The following CHRM2 variants were observed in gnomAD, a reference collection of about 807,000 sequenced individuals.
CHRM2 encodes cholinergic receptor muscarinic 2.
CHRM2 carries 8 observed loss-of-function variants against 25.0 expected under a neutral mutation model. That is an observed-to-expected ratio of 0.32 (90% CI 0.19 to 0.58). The LOEUF (loss-of-function observed/expected upper bound fraction) is 0.58, where lower values mean the gene tolerates loss of function less well. CHRM2 is among the 20% of genes least tolerant of loss of function. The pLI is 0.88. For missense variants in CHRM2, 440 were observed against 567.1 expected, an observed-to-expected ratio of 0.78 and a Z score of 2.28; for synonymous variants, 202 against 205.7, an observed-to-expected ratio of 0.98 and a Z score of 0.15.
At chr7:136,882,916 A>G (rs1355155422) in intron 2 of CHRM2, among the ~76,000 whole-genome samples, 1 of 152,128 alleles carries the variant, frequency 6.6e-6, no homozygotes, top group East Asian at 1.9e-4. Context: ...TATTTTTTCC[A>G]TATTAGGGAT....
At chr7:136,984,558 A>G (rs2130989841) in intron 2 of CHRM2, among the ~76,000 whole-genome samples, 1 of 152,174 alleles carries the variant, frequency 6.6e-6, no homozygotes, top group East Asian at 1.9e-4. Flanking sequence ...CTTGAAACCC[A>G]GAGCCCTTGT....
chr7:136,896,765 T>C (rs971039695), intron 2 of CHRM2, among the ~76,000 whole-genome samples: 2 of 152,002 alleles, frequency 1.3e-5, no homozygotes, highest in East Asian at 1.9e-4. Context: ...TAGAGAAAGA[T>C]AGGGGAAGGG....
intron 2 of CHRM2, among the ~76,000 whole-genome samples, chr7:136,892,500 G>A (rs1796730161): frequency 6.6e-6 from 1 of 152,022 alleles, no homozygotes; most frequent in Non-Finnish European, 1.5e-5. Context: ...GAATGATGTT[G>A]AGTCTAAGTC....
intron 2 of CHRM2, among the ~76,000 whole-genome samples, chr7:136,956,209 C>T (rs1800714709): frequency 6.6e-6 from 1 of 152,138 alleles, no homozygotes; most frequent in South Asian, 2.1e-4. Context: ...GGAGTTATTT[C>T]AGGACTTTGG....
intron 2 of CHRM2, among the ~76,000 whole-genome samples, chr7:136,980,270 C>A (rs2130969568): frequency 6.6e-6 from 1 of 152,082 alleles, no homozygotes; most frequent in Admixed American, 6.6e-5. Flanking sequence ...GTATAGGAAT[C>A]TTGTGATTTT....
chr7:136,869,458 C>G lies in CHRM2; in HGVS notation c.-125+40C>G, dbSNP rs1653646319. 6.6e-6 allele frequency: 1 copy of G among 152,232 alleles called. No individual in the cohort carries two copies. The highest frequency in any genetic ancestry group is 1.5e-5 in the Non-Finnish European group (1 of 68,142). 9.4% of individuals were successfully genotyped at this position (152,232 alleles called of 1,614,324 possible). A position where few individuals can be genotyped will look rare whatever the true frequency, so the allele number is the denominator to read the frequency against. Reference sequence around the variant, plus strand: ...CTGTGCAGCTCTCCGCTTACCCACTCCAAGGGCCCTGGCACCAGGGGGTCT... The same window carrying G: ...CTGTGCAGCTCTCCGCTTACCCACTGCAAGGGCCCTGGCACCAGGGGGTCT... On this transcript the variant is annotated intron_variant, in intron 2 of 3. Coordinates refer to ENST00000680005, the MANE Select transcript of CHRM2 (RefSeq NM_001006630.2). The surrounding 1 kb of genome is among the most constrained non-coding windows in gnomAD (Gnocchi z 4.9).
rs1173844832 is a variant in CHRM2 at position 136,945,257 on chromosome 7, G to A, written c.-124-46930G>A. On this transcript the variant is annotated intron_variant, in intron 2 of 3. Transcript: ENST00000680005. ...AATTAAGTCCAATCTATATATCTTT[G>A]TTTTTGTTGCATTTGCTTTTGGGTT... Among the ~76,000 whole-genome samples, 24 of 151,980 alleles carry A rather than the reference G, an allele frequency of 1.6e-4. 1 individual carries two copies. Among genetic ancestry groups the A allele is most frequent in the Admixed American group, 1.6e-3 (24 of 15,250 alleles).
chr7:136,883,317 G>C (rs1796338619), intron 2 of CHRM2, among the ~76,000 whole-genome samples: 1 of 152,122 alleles, frequency 6.6e-6, no homozygotes, highest in Admixed American at 6.6e-5. Context: ...CAAAGTAGTG[G>C]ATAAGTATAT....
chr7:136,872,647 C>G (rs1176687078), intron 2 of CHRM2, among the ~76,000 whole-genome samples: 1 of 152,050 alleles, frequency 6.6e-6, no homozygotes, highest in African/African-American at 2.4e-5. Flanking sequence ...AGGGAAGGCA[C>G]AAAAAGCATG....
intron 2 of CHRM2, among the ~76,000 whole-genome samples, chr7:136,945,052 T>A (rs186479692): frequency 6.6e-6 from 1 of 152,202 alleles, no homozygotes; most frequent in East Asian, 1.9e-4. Flanking sequence ...TATCTTGTCC[T>A]TAGCCCACTT....
intron 3 of CHRM2, among the ~76,000 whole-genome samples, chr7:137,013,859 T>A (rs771823939): frequency 6.6e-6 from 1 of 152,018 alleles, no homozygotes; most frequent in Non-Finnish European, 1.5e-5. Context: ...TCAATAGATA[T>A]GTGAGCACAA....
intron 2 of CHRM2, among the ~76,000 whole-genome samples, chr7:136,912,306 A>C (rs1383007324): frequency 6.6e-6 from 1 of 151,986 alleles, no homozygotes; most frequent in East Asian, 1.9e-4. Flanking sequence ...TTTAACAAAT[A>C]TTTATTGAGT....
chr7:136,879,109 G>C (rs78399881), intron 2 of CHRM2, among the ~76,000 whole-genome samples: 2 of 151,830 alleles, frequency 1.3e-5, no homozygotes, highest in Admixed American at 6.6e-5. Context: ...TTGAGCCTTC[G>C]TAGTTCCCTG....
chr7:137,000,890 G>C (rs1803991623), intron 3 of CHRM2, among the ~76,000 whole-genome samples: 1 of 152,106 alleles, frequency 6.6e-6, no homozygotes, highest in Non-Finnish European at 1.5e-5. Flanking sequence ...AATATTGTTT[G>C]AGTTTTATAA....
intron 3 of CHRM2, among the ~76,000 whole-genome samples, chr7:137,004,076 G>A (rs996192445): frequency 5.3e-5 from 8 of 152,066 alleles, no homozygotes; most frequent in Non-Finnish European, 1.2e-4. Flanking sequence ...CTCTGAGAAT[G>A]GACTAATACA....
intron 2 of CHRM2, among the ~76,000 whole-genome samples, chr7:136,877,178 C>T (rs757600314): frequency 2.6e-5 from 4 of 151,974 alleles, no homozygotes; most frequent in South Asian, 2.1e-4. Flanking sequence ...CATTAGGGCC[C>T]GGACAGAGAG....
At chr7:136,949,250 T>TA (rs1800246606) in intron 2 of CHRM2, among the ~76,000 whole-genome samples, 1 of 152,128 alleles carries the variant, frequency 6.6e-6, no homozygotes, top group Admixed American at 6.5e-5. Context: ...CTTCATTTTT[T>TA]AAAAGATGAA....
chr7:136,897,454 A>T (rs2130594778), intron 2 of CHRM2, among the ~76,000 whole-genome samples: 1 of 152,260 alleles, frequency 6.6e-6, no homozygotes, highest in Non-Finnish European at 1.5e-5. Context: ...CTCATGCTGT[A>T]TCCTTTTGGA....
chr7:136,984,895 T>C (rs769168841), intron 2 of CHRM2, among the ~76,000 whole-genome samples: 2 of 152,260 alleles, frequency 1.3e-5, no homozygotes, highest in Admixed American at 6.5e-5. Flanking sequence ...TATTCAGCTA[T>C]CTTGCTCAGG....
Sources: allele counts gnomAD v4.1 joint callset (sites outside exome capture counted in the v4.1 genomes callset), GRCh38; gene constraint gnomAD v4.1.1; non-coding constraint Gnocchi (gnomAD v3.1); transcripts MANE v1.5; gene names NCBI Gene and HGNC (gene_info 2026-07-23, HGNC 2026-07-21).